ACYP2: variants seen among roughly 807,000 people sequenced by gnomAD.
ACYP2 encodes acylphosphatase-2.
In ACYP2, 12 loss-of-function variants were observed where a neutral mutation model predicts 11.2. That is an observed-to-expected ratio of 1.08 (90% CI 0.69 to 1.74). The LOEUF is 1.74. ACYP2 is among the 40% of genes most tolerant of loss of function. The pLI is 0.00. For synonymous variants in ACYP2, 43 were observed against 32.2 expected, an observed-to-expected ratio of 1.33 and a Z score of -1.13; for missense variants, 134 against 101.9, an observed-to-expected ratio of 1.31 and a Z score of -1.35.
chr2:54,135,307 A>C (rs762384761), intron 4 of ACYP2, 146 bp from the exon 2 acceptor site: 44 of 668,604 alleles, frequency 6.6e-5, no homozygotes, highest in Non-Finnish European at 1.0e-4. Flanking sequence ...ATATTGTAGG[A>C]CCACAGTTGA....
At chr2:54,205,682 A>C (rs905238027) in intron 6 of ACYP2, among the ~76,000 whole-genome samples, 2 of 152,102 alleles carry the variant, frequency 1.3e-5, no homozygotes, top group African/African-American at 4.8e-5. Context: ...CCTTTTTACC[A>C]ATGTCTTCCA....
At chr2:54,282,163 C>T (rs1007614563) in intron 6 of ACYP2, among the ~76,000 whole-genome samples, 1 of 152,114 alleles carries the variant, frequency 6.6e-6, no homozygotes, top group Non-Finnish European at 1.5e-5. Context: ...ATTAAAATCT[C>T]TTATGAAATA....
At chr2:54,137,730 C>G (rs1681339589) in intron 5 of ACYP2, among the ~76,000 whole-genome samples, 1 of 152,138 alleles carries the variant, frequency 6.6e-6, no homozygotes, top group African/African-American at 2.4e-5. Flanking sequence ...GTGAATACTG[C>G]TGTAGTGAAC....
chr2:54,292,394 G>A (rs1689347816), intron 6 of ACYP2, among the ~76,000 whole-genome samples: 1 of 151,922 alleles, frequency 6.6e-6, no homozygotes, highest in South Asian at 2.1e-4. Flanking sequence ...TCAAAGACTC[G>A]ATATGAAAAA....
intron 4 of ACYP2, among the ~76,000 whole-genome samples, chr2:54,113,715 A>G (rs1195666353): frequency 6.6e-6 from 1 of 152,036 alleles, no homozygotes; most frequent in Non-Finnish European, 1.5e-5. Context: ...GATTTTGGAG[A>G]AGGGGGAGGC....
chr2:54,113,564 A>G (rs1160769422), intron 4 of ACYP2, among the ~76,000 whole-genome samples: 1 of 152,090 alleles, frequency 6.6e-6, no homozygotes, highest in Non-Finnish European at 1.5e-5. Context: ...AAAAAAAAAA[A>G]TTCTGTTTGA....
At chr2:54,039,816 C>CTT (rs1491477305) in intron 2 of ACYP2, among the ~76,000 whole-genome samples, 1 of 70,270 alleles carries the variant, frequency 1.4e-5, no homozygotes. Context: ...TATTTGTTTT[C>CTT]TTTTGTGTGT....
intron 6 of ACYP2, among the ~76,000 whole-genome samples, chr2:54,275,938 A>G (rs897102430): frequency 6.6e-6 from 1 of 152,178 alleles, no homozygotes; most frequent in Admixed American, 6.5e-5. Context: ...GGAGTTTACA[A>G]AGCAATTGGT....
chr2:54,280,681 A>G (rs1688810170), intron 6 of ACYP2, among the ~76,000 whole-genome samples: 1 of 152,218 alleles, frequency 6.6e-6, no homozygotes, highest in South Asian at 2.1e-4. Context: ...TATGCCTTTC[A>G]TTTAGCAACT....
intron 4 of ACYP2, among the ~76,000 whole-genome samples, chr2:54,071,073 A>C (rs1234253227): frequency 2.6e-5 from 4 of 152,092 alleles, no homozygotes; most frequent in Admixed American, 2.6e-4. Context: ...TCTTTATTTG[A>C]CTAATCCAAA....
chr2:54,202,556 C>T (rs1283033201), intron 6 of ACYP2, among the ~76,000 whole-genome samples: 3 of 151,440 alleles, frequency 2.0e-5, no homozygotes, highest in African/African-American at 7.3e-5. Flanking sequence ...TACTGGTGCC[C>T]ACCAATACGC....
At chr2:53,975,967 G>A (rs1478591744) in intron 2 of ACYP2, among the ~76,000 whole-genome samples, 1 of 152,172 alleles carries the variant, frequency 6.6e-6, no homozygotes, top group Non-Finnish European at 1.5e-5. Context: ...GCCCTTCAAA[G>A]AAAATATTCT....
intron 6 of ACYP2, among the ~76,000 whole-genome samples, chr2:54,218,683 GGGGTGGTATA>G (rs1558621316): frequency 7.2e-6 from 1 of 139,666 alleles, no homozygotes; most frequent in Non-Finnish European, 1.6e-5. Context: ...AGTCAGTCTA[GGGGTGGTATA>G]GTGGTACTAG....
rs76657175 is a variant in ACYP2 at position 54,256,674 on chromosome 2, C to A, written c.405-48014C>A. ...TACTTTTCTTTTGGACTCGTAGTTT[C>A]GCTGTCGCCGAGGCTGGAGTACAAT... On this transcript the variant is annotated intron_variant, in intron 6 of 6. Coordinates refer to ENST00000607452, the MANE Select transcript of ACYP2 (RefSeq NM_001320586.2). 9.8e-5 allele frequency among the ~76,000 whole-genome samples: 15 copies of A among 152,298 alleles called. 1 individual carries two copies. Among genetic ancestry groups the A allele is most frequent in the Non-Finnish European group, 1.8e-4 (12 of 68,022 alleles).
chr2:53,971,427 C>T (rs1671102659), intron 1 of ACYP2: 1 of 152,268 alleles, frequency 6.6e-6, no homozygotes. Context: ...TACTCCATCC[C>T]GCTTGTTCCT....
chr2:54,277,721 C>G (rs895284740), intron 6 of ACYP2, among the ~76,000 whole-genome samples: 1 of 152,036 alleles, frequency 6.6e-6, no homozygotes, highest in African/African-American at 2.4e-5. Flanking sequence ...TTTATAATTT[C>G]ATGTGCTAGA....
chr2:53,997,934 C>G (rs1672650141), intron 2 of ACYP2, among the ~76,000 whole-genome samples: 1 of 152,068 alleles, frequency 6.6e-6, no homozygotes, highest in Non-Finnish European at 1.5e-5. Flanking sequence ...AATTCTATAC[C>G]CAAGGTTCAG....
chr2:54,225,851 C>G (rs17045696), intron 6 of ACYP2, among the ~76,000 whole-genome samples: 2,703 of 151,848 alleles, frequency 0.018, 94 homozygotes, highest in African/African-American at 0.061. Flanking sequence ...GAATATACAA[C>G]AACAGGGATG....
chr2:54,275,623 C>G (rs1688523855), intron 6 of ACYP2, among the ~76,000 whole-genome samples: 1 of 152,148 alleles, frequency 6.6e-6, no homozygotes, highest in South Asian at 2.1e-4. Context: ...AAGGCTTTGA[C>G]AGGGAGAAAC....
Sources: allele counts gnomAD v4.1 joint callset (sites outside exome capture counted in the v4.1 genomes callset), GRCh38; gene constraint gnomAD v4.1.1; transcripts MANE v1.5; gene names NCBI Gene and HGNC (gene_info 2026-07-23, HGNC 2026-07-21).